The following FGD5 variants were observed in gnomAD, a reference collection of about 807,000 sequenced individuals.
FGD5 encodes the protein FYVE, RhoGEF and PH domain containing 5, also known as FYVE, RhoGEF and PH domain-containing protein 5.
Under a neutral mutation model 133.4 loss-of-function variants are expected in FGD5, and 28 were observed. The ratio of observed to expected loss-of-function variants is 0.21; its 90% confidence interval spans 0.16 to 0.29. The LOEUF is 0.29. Among genes scored for constraint, FGD5 ranks in the 10% least tolerant of loss-of-function variants. FGD5 has a pLI of 1.00. For synonymous variants in FGD5, 810 were observed against 776.5 expected (o/e 1.04, Z -0.72); for missense variants, 1,858 against 1,895.2 (o/e 0.98, Z 0.36).
chr3:14,883,719 A>G (rs976171435), intron 4 of FGD5, among the ~76,000 whole-genome samples: 1 of 152,218 alleles, frequency 6.6e-6, no homozygotes, highest in African/African-American at 2.4e-5. Context: ...TTTTGCAGGG[A>G]GAGAGGGTGG....
intron 1 of FGD5, among the ~76,000 whole-genome samples, chr3:14,835,116 C>T (rs955151146): frequency 1.3e-5 from 2 of 151,902 alleles, no homozygotes; most frequent in South Asian, 4.1e-4. Flanking sequence ...GCAAGCGTTG[C>T]CCCCGCCTTA....
At chr3:14,887,914 C>T (rs2037954346) in intron 4 of FGD5, among the ~76,000 whole-genome samples, 1 of 151,930 alleles carries the variant, frequency 6.6e-6, no homozygotes, top group Non-Finnish European at 1.5e-5. Context: ...ACCTGAAGTC[C>T]CAACAATTTG....
chr3:14,817,361 A>AGTGGCCGG, upstream of FGD5, among the ~76,000 whole-genome samples: 2 of 151,918 alleles, frequency 1.3e-5, 1 homozygote, highest in South Asian at 4.1e-4. Context: ...ACACCCGGCT[A>AGTGGCCGG]ATTTTTGTGT....
At chr3:14,889,211 A>C (rs1240444162) in intron 4 of FGD5, among the ~76,000 whole-genome samples, 2 of 152,140 alleles carry the variant, frequency 1.3e-5, no homozygotes, top group Non-Finnish European at 2.9e-5. Context: ...ATGTTTGTAC[A>C]CTTGTAACTC....
At chr3:14,900,352 G>A in intron 7 of FGD5, 51 bp from the exon 8 acceptor site, 2 of 1,593,390 alleles carry the variant, frequency 1.3e-6, no homozygotes, top group Non-Finnish European at 1.7e-6. Flanking sequence ...TTGTGGGCAG[G>A]AGGGGCTGAC....
At chr3:14,889,314 G>C (rs2037982001) in intron 4 of FGD5, among the ~76,000 whole-genome samples, 1 of 152,202 alleles carries the variant, frequency 6.6e-6, no homozygotes, top group African/African-American at 2.4e-5. Context: ...CATGAGAGTG[G>C]TTTAGCTTGT....
intron 10 of FGD5, among the ~76,000 whole-genome samples, chr3:14,909,179 G>T (rs1204396913): frequency 3.3e-5 from 5 of 152,084 alleles, no homozygotes; most frequent in African/African-American, 9.7e-5. Flanking sequence ...TGTTGGTCAG[G>T]CTGGTCTCAA....
rs137958422 is a variant in FGD5, at chr3:14,825,572, C to G, written c.2525+3976C>G. 2.3e-4 allele frequency among the ~76,000 whole-genome samples: 35 copies of G among 152,234 alleles called. No individual in the cohort carries two copies. The East Asian group carries it at 6.0e-3, about 26-fold the overall frequency. ...GGTTGAGGCGGGAGGATCACTTGAG[C>G]TAGGAATTTCAGGCTGCATTGAGCT... On this transcript the variant is annotated intron_variant, in intron 1 of 19. Transcript: ENST00000285046.
upstream of FGD5, among the ~76,000 whole-genome samples, chr3:14,814,939 C>T: frequency 6.6e-6 from 1 of 152,268 alleles, no homozygotes; most frequent in Non-Finnish European, 1.5e-5. Flanking sequence ...CAGATCCCCT[C>T]AGCTCTCCCT....
intron 1 of FGD5, among the ~76,000 whole-genome samples, chr3:14,853,934 A>C (rs1209979452): frequency 6.7e-6 from 1 of 149,314 alleles, no homozygotes; most frequent in African/African-American, 2.5e-5. Context: ...CCTTTACAGC[A>C]CAAGTGGACT....
At chr3:14,908,002 A>G (rs1475666763) in intron 10 of FGD5, among the ~76,000 whole-genome samples, 5 of 152,218 alleles carry the variant, frequency 3.3e-5, no homozygotes, top group Non-Finnish European at 5.9e-5. Context: ...GGAAGCACCA[A>G]ATATTTTCAG....
In FGD5 at chr3:14,922,995, C is replaced by A; in HGVS notation, c.3808-51C>A. On this transcript the variant is annotated intron_variant, in intron 15 of 19. Transcript: ENST00000285046. The surrounding 1 kb of genome is among the most constrained non-coding windows in gnomAD (Gnocchi z 4.1). ...GGGAGCGGAGGGGAGGGGTGCAGGTCTCCTTTGCATGCACTGAGAGGGGTG... is the reference window on the plus strand; with the variant it reads ...GGGAGCGGAGGGGAGGGGTGCAGGTATCCTTTGCATGCACTGAGAGGGGTG... 6.2e-7 allele frequency: 1 copy of A among 1,610,762 alleles called. No homozygotes were observed. The highest frequency in any genetic ancestry group is 8.5e-7 in the Non-Finnish European group (1 of 1,177,694).
chr3:14,931,830 T>G (rs2038904147), intron 18 of FGD5: 2 of 152,156 alleles, frequency 1.3e-5, no homozygotes, highest in African/African-American at 4.8e-5. Context: ...ACTGCAAAAC[T>G]GAGTCACTGA....
intron 1 of FGD5, among the ~76,000 whole-genome samples, chr3:14,837,486 A>G (rs1191109278): frequency 6.6e-6 from 1 of 152,090 alleles, no homozygotes; most frequent in Non-Finnish European, 1.5e-5. Context: ...ATGTATTTGG[A>G]TGGCATTGGC....
chr3:14,874,656 G>A (rs1013962210), intron 2 of FGD5, among the ~76,000 whole-genome samples: 1 of 152,180 alleles, frequency 6.6e-6, no homozygotes, highest in Non-Finnish European at 1.5e-5. Flanking sequence ...CTTGCTCAGG[G>A]CTATTCAGCA....
chr3:14,839,976 A>G (rs1183150930), intron 1 of FGD5, among the ~76,000 whole-genome samples: 3 of 146,000 alleles, frequency 2.1e-5, no homozygotes, highest in Non-Finnish European at 4.6e-5. Context: ...AGTGTTTTAC[A>G]AAAAGCCACA....
chr3:14,903,495 C>T (rs1048013666), intron 9 of FGD5, among the ~76,000 whole-genome samples: 3 of 115,926 alleles, frequency 2.6e-5, no homozygotes, highest in African/African-American at 9.8e-5. Flanking sequence ...CAGTGCTATC[C>T]CTCCCCCCTC....
intron 4 of FGD5, among the ~76,000 whole-genome samples, chr3:14,896,003 AAAAG>A (rs1311079424): frequency 6.6e-6 from 1 of 152,228 alleles, no homozygotes; most frequent in African/African-American, 2.4e-5. Context: ...AACAATCTAA[AAAAG>A]AAATCAAGAA....
intron 4 of FGD5, among the ~76,000 whole-genome samples, chr3:14,889,865 T>A (rs546467062): frequency 2.8e-4 from 42 of 152,206 alleles, no homozygotes; most frequent in East Asian, 1.2e-3. Context: ...TGCTTTTTTT[T>A]TAAAAAAATT....
Sources: gnomAD v4.1 joint callset for allele counts (sites outside exome capture counted in the v4.1 genomes callset) on GRCh38, gnomAD v4.1.1 for gene constraint, Gnocchi (gnomAD v3.1) non-coding constraint, MANE v1.5 for transcripts, NCBI Gene and HGNC (gene_info 2026-07-23, HGNC 2026-07-21) for gene names.